Variants in PRKCB observed in about 807,000 individuals in gnomAD.
PRKCB encodes protein kinase C beta, also known as protein kinase C beta type.
A neutral mutation model predicts 81.5 loss-of-function variants in PRKCB; 13 were observed. That is an observed-to-expected ratio of 0.16 (90% CI 0.10 to 0.25). The LOEUF (loss-of-function observed/expected upper bound fraction) is 0.25. PRKCB is among the 10% of genes least tolerant of loss of function. The pLI is 1.00. For synonymous variants in PRKCB, 335 were observed against 321.4 expected, an observed-to-expected ratio of 1.04 and a Z score of -0.45; for missense variants, 509 against 875.7, an observed-to-expected ratio of 0.58 and a Z score of 5.29.
rs1965389549 is a variant in PRKCB, at chr16:24,021,264, T to TCC, written c.289-10872_289-10871insCC. Among the ~76,000 whole-genome samples, 6 of 131,632 alleles carry TCC rather than the reference T, an allele frequency of 4.6e-5. 2 individuals are homozygous for TCC. The highest frequency in any genetic ancestry group is 9.6e-5 in the Non-Finnish European group (6 of 62,454). 86.4% of individuals were successfully genotyped at this position (131,632 alleles called of 152,430 possible). A position where few individuals can be genotyped will look rare whatever the true frequency, so the allele number is the denominator to read the frequency against. ...CTTCCTTCCTTCTTCCTTTCTTCCT[T>TCC]TCTTTTTCTTTCTTTTCTCCCTCTC... On this transcript the variant is annotated intron_variant, in intron 3 of 16. Transcript: ENST00000643927.
intron 2 of PRKCB, among the ~76,000 whole-genome samples, chr16:23,838,079 A>C (rs1021963346): frequency 6.6e-6 from 1 of 152,182 alleles, no homozygotes; most frequent in African/African-American, 2.4e-5. Context: ...TGAGTTGATC[A>C]CGTGTAAAGT....
In PRKCB at chr16:24,216,286, T is replaced by C. The variant is rs976830261; in HGVS notation, c.*1470T>C. On this transcript the variant is annotated 3_prime_UTR_variant, in exon 17 of 17. Transcript: ENST00000643927. ...CTGGGAACGTGAATGGGGCTCTTGATTTTCTTATCAAAATCACCACTCCTC... is the reference window on the plus strand; with the variant it reads ...CTGGGAACGTGAATGGGGCTCTTGACTTTCTTATCAAAATCACCACTCCTC... The C allele has an allele frequency of 1.0e-6, 1 of 985,296 alleles. No individual in the cohort carries two copies. The highest frequency in any genetic ancestry group is 6.2e-5 in the Admixed American group (1 of 16,260). The allele number at this position is 985,296 out of a possible 1,614,324, so 61.0% of individuals were successfully genotyped here. A position where few individuals can be genotyped will look rare whatever the true frequency, so the allele number is the denominator to read the frequency against.
At chr16:24,063,728 A>G (rs1451916293) in intron 5 of PRKCB, among the ~76,000 whole-genome samples, 1 of 152,166 alleles carries the variant, frequency 6.6e-6, no homozygotes, top group African/African-American at 2.4e-5. Flanking sequence ...TGTGGCAGGA[A>G]GAATGTTTGA....
intron 5 of PRKCB, among the ~76,000 whole-genome samples, chr16:24,087,900 C>A (rs930510252): frequency 6.6e-6 from 1 of 152,178 alleles, no homozygotes; most frequent in Admixed American, 6.5e-5. Context: ...GAGCCCCATG[C>A]CCACGGCAAG....
chr16:23,930,473 G>C (rs192830237), intron 2 of PRKCB, among the ~76,000 whole-genome samples: 40 of 152,074 alleles, frequency 2.6e-4, no homozygotes, highest in African/African-American at 9.4e-4. Context: ...GGAGGCTGAG[G>C]TGGGAGAACT....
intron 8 of PRKCB, among the ~76,000 whole-genome samples, chr16:24,120,343 C>G (rs540169639): frequency 6.6e-6 from 1 of 152,118 alleles, no homozygotes; most frequent in Non-Finnish European, 1.5e-5. Context: ...GTGCCCACCT[C>G]AAGTTTCAAA....
At chr16:23,984,041 A>C (rs959100115) in intron 2 of PRKCB, among the ~76,000 whole-genome samples, 1 of 152,238 alleles carries the variant, frequency 6.6e-6, no homozygotes, top group Non-Finnish European at 1.5e-5. Flanking sequence ...TAGAAACTTG[A>C]TACAATGATG....
intron 10 of PRKCB, among the ~76,000 whole-genome samples, chr16:24,165,675 T>C (rs1392107584): frequency 6.6e-6 from 1 of 152,168 alleles, no homozygotes; most frequent in African/African-American, 2.4e-5. Flanking sequence ...GACTGGATAT[T>C]GCATAAAGAT....
At chr16:23,883,804 A>G (rs952560934) in intron 2 of PRKCB, among the ~76,000 whole-genome samples, 1 of 152,200 alleles carries the variant, frequency 6.6e-6, no homozygotes, top group Non-Finnish European at 1.5e-5. Flanking sequence ...TAGCAATCCC[A>G]TAACCACATT....
intron 3 of PRKCB, among the ~76,000 whole-genome samples, chr16:24,010,761 AT>A (rs1965192991): frequency 6.6e-6 from 1 of 152,156 alleles, no homozygotes; most frequent in African/African-American, 2.4e-5. Context: ...ATCATTTTAA[AT>A]ATTGCTCAAG....
chr16:24,153,832 C>A (rs972190031), intron 9 of PRKCB, among the ~76,000 whole-genome samples: 6 of 152,224 alleles, frequency 3.9e-5, no homozygotes, highest in African/African-American at 1.4e-4. Flanking sequence ...ATTTCTTCCT[C>A]TCTGGAGTTA....
chr16:24,131,898 A>T (rs562592169), intron 9 of PRKCB, among the ~76,000 whole-genome samples: 2 of 152,308 alleles, frequency 1.3e-5, no homozygotes, highest in East Asian at 3.9e-4. Flanking sequence ...TTACCATGGT[A>T]TTTCTAAGAA....
chr16:24,165,633 A>G (rs1480757432), intron 10 of PRKCB, among the ~76,000 whole-genome samples: 1 of 152,176 alleles, frequency 6.6e-6, no homozygotes, highest in African/African-American at 2.4e-5. Context: ...TTTTTAAAAT[A>G]AGTCATTTAA....
chr16:24,122,722 AG>A (rs1425345769), intron 8 of PRKCB, among the ~76,000 whole-genome samples: 1 of 145,206 alleles, frequency 6.9e-6, no homozygotes, highest in Admixed American at 6.8e-5. Context: ...AGCATCAAAA[AG>A]TGTTGGAATT....
At chr16:24,050,702 A>G (rs1025320345) in intron 5 of PRKCB, among the ~76,000 whole-genome samples, 1 of 152,186 alleles carries the variant, frequency 6.6e-6, no homozygotes, top group African/African-American at 2.4e-5. Flanking sequence ...CTTACTCTGC[A>G]AATTGATTTC....
intron 16 of PRKCB, among the ~76,000 whole-genome samples, chr16:24,204,603 GA>G (rs766964164): frequency 7.9e-5 from 12 of 151,760 alleles, no homozygotes; most frequent in African/African-American, 2.7e-4. Context: ...GAATAGATAA[GA>G]AAAAAAATGA....
intron 2 of PRKCB, among the ~76,000 whole-genome samples, chr16:23,953,972 G>A (rs1964316894): frequency 6.6e-6 from 1 of 151,486 alleles, no homozygotes; most frequent in African/African-American, 2.4e-5. Flanking sequence ...GGGTTCAAGC[G>A]ATTCTCCTGC....
chr16:24,168,290 C>A (rs1967378008), intron 10 of PRKCB, among the ~76,000 whole-genome samples: 1 of 152,134 alleles, frequency 6.6e-6, no homozygotes, highest in African/African-American at 2.4e-5. Flanking sequence ...AACAAGACTT[C>A]AAATACTGTA....
chr16:24,172,435 T>C (rs1037110856), intron 11 of PRKCB, 74 bp downstream of exon 11: 4 of 1,343,500 alleles, frequency 3.0e-6, no homozygotes, highest in Non-Finnish European at 4.2e-6. Context: ...AGGGTGTTTT[T>C]TTGCCAAAGA....
Sources: gnomAD v4.1 joint callset for allele counts (sites outside exome capture counted in the v4.1 genomes callset) on GRCh38, gnomAD v4.1.1 for gene constraint, MANE v1.5 for transcripts, NCBI Gene and HGNC (gene_info 2026-07-23, HGNC 2026-07-21) for gene names.